The following SLC36A2 variants were observed in gnomAD, a reference collection of about 807,000 sequenced individuals.
The protein encoded by SLC36A2 is proton-coupled amino acid transporter 2.
A neutral mutation model predicts 42.7 loss-of-function variants in SLC36A2; 39 were observed. The ratio of observed to expected loss-of-function variants is 0.91; its 90% CI spans 0.71 to 1.19. The LOEUF (loss-of-function observed/expected upper bound fraction) is 1.19. SLC36A2 is among the 50% of genes most tolerant of loss of function. The pLI, the probability that SLC36A2 is intolerant of heterozygous loss-of-function variation, is 0.00. For synonymous variants in SLC36A2, 237 were observed against 240.8 expected, an observed-to-expected ratio of 0.98 and a Z score of 0.15; for missense variants, 590 against 613.7, an observed-to-expected ratio of 0.96 and a Z score of 0.41.
chr5:151,324,706 G>C (rs1274531180), intron 8 of SLC36A2, among the ~76,000 whole-genome samples: 2 of 152,128 alleles, frequency 1.3e-5, no homozygotes, highest in African/African-American at 2.4e-5. Flanking sequence ...TGTGATGATA[G>C]CCTTCTGTAA....
At chr5:151,324,301 C>G (rs1755788366) in intron 8 of SLC36A2, among the ~76,000 whole-genome samples, 1 of 144,786 alleles carries the variant, frequency 6.9e-6, no homozygotes, top group African/African-American at 2.5e-5. Context: ...TGCCACCATG[C>G]CTGGCTTATT....
rs747115273 is a variant in SLC36A2 at position 151,333,208 on chromosome 5, T to C, written c.843+16A>G. The C allele has an allele frequency of 6.2e-7, 1 of 1,608,782 alleles. No homozygotes were observed. The highest frequency in any genetic ancestry group is 1.1e-5 in the South Asian group (1 of 90,936). On this transcript the variant is annotated intron_variant, in intron 7 of 9. Transcript: ENST00000335244. Reference sequence around the variant, plus strand: ...CACAAGCACTAGGGATAAGGCCACCTCAATTCAAACCTTACCACACCAATG... The same window carrying C: ...CACAAGCACTAGGGATAAGGCCACCCCAATTCAAACCTTACCACACCAATG...
At chr5:151,329,470 A>G (rs572887722) in intron 7 of SLC36A2, among the ~76,000 whole-genome samples, 9 of 152,254 alleles carry the variant, frequency 5.9e-5, no homozygotes, top group Non-Finnish European at 1.3e-4. Context: ...AACAGATGCC[A>G]ACCTTAAGAT....
intron 3 of SLC36A2, 86 bp from the exon 4 acceptor site, chr5:151,343,069 C>CAGGACACAGCTAAAGAGCAGAA: frequency 9.5e-7 from 1 of 1,053,788 alleles, no homozygotes. Context: ...CAGAACAAGG[C>CAGGACACAGCTAAAGAGCAGAA]AGGACACAGC....
intron 4 of SLC36A2, among the ~76,000 whole-genome samples, chr5:151,339,804 C>T (rs1249032773): frequency 6.6e-6 from 1 of 152,158 alleles, no homozygotes; most frequent in Non-Finnish European, 1.5e-5. Context: ...TTTTTTTCTG[C>T]CATGTGCCAG....
At chr5:151,344,957 G>C (rs567627347) in intron 1 of SLC36A2, among the ~76,000 whole-genome samples, 29 of 152,080 alleles carry the variant, frequency 1.9e-4, no homozygotes, top group Non-Finnish European at 3.5e-4. Context: ...TCAGGGATTG[G>C]GCTCCAGAGG....
At chr5:151,344,721 T>G (rs752814996) in intron 1 of SLC36A2, among the ~76,000 whole-genome samples, 158 of 152,098 alleles carry the variant, frequency 1.0e-3, no homozygotes, top group Admixed American at 1.6e-3. Context: ...CTCCCAGAGA[T>G]AAACTCAGAC....
chr5:151,320,213 A>G (rs1441006659), intron 9 of SLC36A2, among the ~76,000 whole-genome samples: 1 of 152,128 alleles, frequency 6.6e-6, no homozygotes, highest in African/African-American at 2.4e-5. Context: ...AATCTGTGTG[A>G]AGCAGCAGCC....
intron 5 of SLC36A2, among the ~76,000 whole-genome samples, 199 bp from the exon 6 acceptor site, chr5:151,335,746 A>G (rs919843990): frequency 3.3e-5 from 5 of 152,146 alleles, no homozygotes; most frequent in African/African-American, 4.8e-5. Context: ...GAGGCTGTAC[A>G]TGCTGGTTGC....
chr5:151,333,195 G>T, intron 7 of SLC36A2, 29 bp downstream of exon 7: 2 of 1,586,404 alleles, frequency 1.3e-6, no homozygotes, highest in Non-Finnish European at 1.7e-6. Flanking sequence ...CAAGCACTAG[G>T]GATAAGGCCA....
chr5:151,333,407 C>G, intron 6 of SLC36A2, 85 bp from the exon 7 acceptor site: 1 of 1,161,434 alleles, frequency 8.6e-7, no homozygotes, highest in South Asian at 1.3e-5. Flanking sequence ...GAAATGAGAC[C>G]TGAATTTTTT....
At position 151,316,548 on chromosome 5, in the gene SLC36A2, C is replaced by A; in HGVS notation, c.*269G>T. On this transcript the variant is annotated 3_prime_UTR_variant, in exon 10 of 10. Transcript: ENST00000335244. ...CTGAGGTCGGGAGTTCAAGACCAGCCTGACCAACATGGAGAAACCCCGTCT... is the reference window on the plus strand; with the variant it reads ...CTGAGGTCGGGAGTTCAAGACCAGCATGACCAACATGGAGAAACCCCGTCT... The A allele has an allele frequency of 2.6e-6, 1 of 384,054 alleles. No individual in the cohort carries two copies. The highest frequency in any genetic ancestry group is 4.8e-6 in the Non-Finnish European group (1 of 207,520). 23.8% of individuals were successfully genotyped at this position (384,054 alleles called of 1,614,324 possible).
At chr5:151,341,421 G>A (rs1233859665) in intron 4 of SLC36A2, among the ~76,000 whole-genome samples, 1 of 152,122 alleles carries the variant, frequency 6.6e-6, no homozygotes, top group Non-Finnish European at 1.5e-5. Flanking sequence ...CATGGGCAGG[G>A]GCACACCGTG....
intron 7 of SLC36A2, among the ~76,000 whole-genome samples, chr5:151,332,755 A>C (rs1756033972): frequency 6.6e-6 from 1 of 152,220 alleles, no homozygotes; most frequent in South Asian, 2.1e-4. Context: ...ACTTACAGGA[A>C]TGTACACCAA....
At chr5:151,336,916 A>G (rs926702707) in intron 5 of SLC36A2, among the ~76,000 whole-genome samples, 2 of 152,220 alleles carry the variant, frequency 1.3e-5, no homozygotes, top group Non-Finnish European at 1.5e-5. Flanking sequence ...TCATCTATAT[A>G]TTTTCTATAC....
rs149600041 is a variant in SLC36A2, at chr5:151,327,752, TTC to T, written c.844-2302_844-2301del. Among the ~76,000 whole-genome samples, 79 of 151,088 alleles carry T rather than the reference TTC, an allele frequency of 5.2e-4. 1 individual carries two copies. The East Asian group carries it at 0.01, about 20-fold the overall frequency. On this transcript the variant is annotated intron_variant, in intron 7 of 9. Coordinates refer to ENST00000335244, the MANE Select transcript of SLC36A2 (RefSeq NM_181776.3). ...AGACTGGGTAGCTGGCTTCCTTTCTTTCTCTCTCTCTCTCTCTCCACAATCAG... is the reference window on the plus strand; with the variant it reads ...AGACTGGGTAGCTGGCTTCCTTTCTTTCTCTCTCTCTCTCTCCACAATCAG...
At position 151,324,130 on chromosome 5, in the gene SLC36A2, T is replaced by C. The variant is rs80078533; in HGVS notation, c.1010+1156A>G. Among the ~76,000 whole-genome samples the C allele has an allele frequency of 6.4e-3, 972 of 152,240 alleles. 15 individuals are homozygous for C. Among genetic ancestry groups the C allele is most frequent in the Middle Eastern group, 0.024 (7 of 294 alleles). ...AAGACTTTTACAGATTCCAATGGTC[T>C]TCCCAAATTGTTTTGTTTGTTTGTT... is the stretch of plus-strand genomic sequence containing the variant. On this transcript the variant is annotated intron_variant, in intron 8 of 9. Transcript: ENST00000335244.
intron 8 of SLC36A2, among the ~76,000 whole-genome samples, chr5:151,324,306 C>CTTATTTAT (rs58169831): frequency 0.031 from 4,410 of 140,878 alleles, 128 homozygotes; most frequent in East Asian, 0.12. Flanking sequence ...CCATGCCTGG[C>CTTATTTAT]TTATTTATTT....
chr5:151,333,735 G>A (rs1580854909), intron 6 of SLC36A2, among the ~76,000 whole-genome samples: 1 of 152,110 alleles, frequency 6.6e-6, no homozygotes, highest in Non-Finnish European at 1.5e-5. Flanking sequence ...GGTGGTGGGC[G>A]CCTGTAGTCC....
Sources: allele counts gnomAD v4.1 joint callset (sites outside exome capture counted in the v4.1 genomes callset), GRCh38; gene constraint gnomAD v4.1.1; transcripts MANE v1.5; gene names NCBI Gene and HGNC (gene_info 2026-07-23, HGNC 2026-07-21).